The following GSE1 variants were observed in gnomAD, a reference collection of about 807,000 sequenced individuals.
GSE1 encodes genetic suppressor element 1.
Under a neutral mutation model 112.6 loss-of-function variants are expected in GSE1, and 32 were observed. The observed-to-expected ratio is 0.28, with a 90% confidence interval of 0.21 to 0.38. The LOEUF is 0.38. GSE1 is among the 10% of genes least tolerant of loss of function. GSE1 has a pLI of 1.00. For synonymous variants in GSE1, 1,115 were observed against 735.6 expected, an observed-to-expected ratio of 1.52 and a Z score of -8.35; for missense variants, 2,348 against 1,699.2, an observed-to-expected ratio of 1.38 and a Z score of -6.71.
At chr16:85,468,554 G>A (rs2050190392) in intron 2 of GSE1, among the ~76,000 whole-genome samples, 1 of 151,828 alleles carries the variant, frequency 6.6e-6, no homozygotes, top group Non-Finnish European at 1.5e-5. Context: ...CTGACCTCCT[G>A]TGATCCACCA....
At chr16:85,289,630 T>C (rs1225481858) in intron 1 of GSE1, among the ~76,000 whole-genome samples, 1 of 152,184 alleles carries the variant, frequency 6.6e-6, no homozygotes, top group Non-Finnish European at 1.5e-5. Flanking sequence ...GTCTGCAGCC[T>C]GGCTTAGGGG....
intron 1 of GSE1, among the ~76,000 whole-genome samples, chr16:85,581,592 G>C (rs56326340): frequency 6.6e-6 from 1 of 152,190 alleles, no homozygotes; most frequent in Admixed American, 6.5e-5. Flanking sequence ...CTCTTCCGTA[G>C]AAGTTCAGCA....
chr16:85,623,637 C>T (rs1385011157), intron 1 of GSE1, among the ~76,000 whole-genome samples: 1 of 152,208 alleles, frequency 6.6e-6, no homozygotes, highest in Non-Finnish European at 1.5e-5. Flanking sequence ...ACCCCGGTGC[C>T]TGCAGGCAGG....
intron 13 of GSE1, chr16:85,666,723 C>T (rs1414834121): frequency 8.2e-6 from 2 of 245,216 alleles, no homozygotes; most frequent in African/African-American, 4.7e-5. Flanking sequence ...TTGAAAGAAT[C>T]ATGTTTTTCA....
intron 8 of GSE1, 62 bp downstream of exon 8, chr16:85,657,666 A>G: frequency 8.7e-7 from 1 of 1,151,912 alleles, no homozygotes; most frequent in Non-Finnish European, 1.2e-6. Flanking sequence ...TTCAGCGTGT[A>G]TTGAGCACCT....
chr16:85,591,185 C>T (rs530046169), intron 1 of GSE1, among the ~76,000 whole-genome samples: 5 of 152,322 alleles, frequency 3.3e-5, no homozygotes, highest in Admixed American at 2.0e-4. Context: ...CGGCTTTCAT[C>T]GGATCCAGAG....
intron 2 of GSE1, among the ~76,000 whole-genome samples, chr16:85,363,217 G>A (rs916713464): frequency 1.2e-4 from 19 of 152,210 alleles, no homozygotes; most frequent in Admixed American, 9.2e-4. Flanking sequence ...ACCAGGCCAA[G>A]ATTGACTCTC....
intron 1 of GSE1, among the ~76,000 whole-genome samples, chr16:85,186,394 G>C (rs998185307): frequency 3.9e-5 from 6 of 152,088 alleles, no homozygotes; most frequent in Non-Finnish European, 8.8e-5. Context: ...CATGAGGTCA[G>C]AAGATCAAGA....
intron 1 of GSE1, among the ~76,000 whole-genome samples, chr16:85,194,464 A>G (rs1344006534): frequency 1.3e-5 from 2 of 152,094 alleles, no homozygotes; most frequent in African/African-American, 2.4e-5. Context: ...ATTGCAAACA[A>G]TCAGGATTCA....
At chr16:85,275,649 C>G (rs1909284191) in intron 1 of GSE1, among the ~76,000 whole-genome samples, 1 of 152,198 alleles carries the variant, frequency 6.6e-6, no homozygotes, top group Non-Finnish European at 1.5e-5. Flanking sequence ...GAGGTCGGTC[C>G]TAGACGTGGG....
chr16:85,452,676 G>A (rs1261920592), intron 2 of GSE1, among the ~76,000 whole-genome samples: 4 of 152,252 alleles, frequency 2.6e-5, no homozygotes, highest in Admixed American at 2.6e-4. Context: ...TCCTCCTTAA[G>A]GCCTCACTGA....
At chr16:85,631,103 G>A (rs973682333) in intron 1 of GSE1, among the ~76,000 whole-genome samples, 5 of 152,198 alleles carry the variant, frequency 3.3e-5, no homozygotes, top group African/African-American at 1.2e-4. Context: ...TTGGGACCAC[G>A]AGGACCTGGT....
At chr16:85,604,992 T>A (rs186219025) in intron 1 of GSE1, among the ~76,000 whole-genome samples, 1,473 of 145,366 alleles carry the variant, frequency 0.01, 34 homozygotes, top group African/African-American at 0.037. Flanking sequence ...TAGTTTTTTG[T>A]ATTTTTAGTA....
chr16:85,619,676 T>G (rs2048606738), intron 1 of GSE1, among the ~76,000 whole-genome samples: 1 of 152,174 alleles, frequency 6.6e-6, no homozygotes, highest in African/African-American at 2.4e-5. Flanking sequence ...TATCCAGAGG[T>G]GCTGTGGCTG....
intron 3 of GSE1, among the ~76,000 whole-genome samples, chr16:85,653,285 TA>T (rs1271348843): frequency 0.024 from 1 of 42 alleles, no homozygotes; most frequent in Non-Finnish European, 0.1. Context: ...CTCCTCCTCC[TA>T]CCCCCTCCTC....
chr16:85,430,148 A>T (rs1380673541), intron 2 of GSE1, among the ~76,000 whole-genome samples: 1 of 152,208 alleles, frequency 6.6e-6, no homozygotes, highest in Non-Finnish European at 1.5e-5. Flanking sequence ...ACAACATCCC[A>T]GGGGCGAGGC....
At position 85,311,725 on chromosome 16, in the gene GSE1, G is replaced by T. The variant is rs999290954; in HGVS notation, c.2284-45738G>T. 6.6e-6 allele frequency among the ~76,000 whole-genome samples: 1 copy of T among 152,084 alleles called. No individual in the cohort carries two copies. Among genetic ancestry groups the T allele is most frequent in the African/African-American group, 2.4e-5 (1 of 41,420 alleles). The stretch of plus-strand genomic sequence containing the variant: ...CTCCTGCCTGCTTCATTTCCCAGAT[G>T]TCTTAGGACCTGAGGTGGTGCAGGC... On this transcript the variant is annotated intron_variant, in intron 1 of 2. Coordinates refer to the GSE1 transcript ENST00000637419. The surrounding 1 kb of genome is among the most constrained non-coding windows in gnomAD (Gnocchi z 4.2).
chr16:85,231,756 T>C (rs1475949089), intron 1 of GSE1, among the ~76,000 whole-genome samples: 2 of 152,230 alleles, frequency 1.3e-5, no homozygotes, highest in Non-Finnish European at 2.9e-5. Context: ...CATTTAAACC[T>C]TCATTTTTGT....
intron 1 of GSE1, among the ~76,000 whole-genome samples, chr16:85,175,509 G>C (rs946735451): frequency 3.3e-5 from 5 of 152,336 alleles, no homozygotes; most frequent in Admixed American, 1.3e-4. Context: ...CGAGTGAGCC[G>C]GCCTGGGTGA....
Sources: gnomAD v4.1 joint callset for allele counts (sites outside exome capture counted in the v4.1 genomes callset) on GRCh38, gnomAD v4.1.1 for gene constraint, Gnocchi (gnomAD v3.1) non-coding constraint, MANE v1.5 for transcripts, NCBI Gene and HGNC (gene_info 2026-07-23, HGNC 2026-07-21) for gene names.